Variants in DMGDH observed in about 807,000 individuals in gnomAD.
DMGDH encodes the protein dimethylglycine dehydrogenase, mitochondrial.
Under a neutral mutation model 95.2 loss-of-function variants are expected in DMGDH, and 76 were observed. The ratio of observed to expected loss-of-function variants is 0.80; its 90% CI spans 0.66 to 0.97. The LOEUF (loss-of-function observed/expected upper bound fraction) is 0.97, where lower values mean the gene tolerates loss of function less well. Ranked by LOEUF, DMGDH falls within the 50% of genes least tolerant of loss-of-function variation. The pLI is 0.00. For missense variants in DMGDH, 987 were observed against 1,055.0 expected (o/e 0.94, Z 0.89); for synonymous variants, 345 against 377.6 (o/e 0.91, Z 1.00).
chr5:79,016,435 T>C (rs1251341531), intron 14 of DMGDH, among the ~76,000 whole-genome samples: 1 of 152,206 alleles, frequency 6.6e-6, no homozygotes, highest in Non-Finnish European at 1.5e-5. Flanking sequence ...ATTGTATTTC[T>C]ATAATTTGGC....
Position 79,005,332 on chromosome 5 carries a change from T to C in DMGDH, c.2326A>G (p.Thr776Ala). 6.2e-7 allele frequency: 1 copy of C among 1,613,798 alleles called. No homozygotes were observed. Among genetic ancestry groups the C allele is most frequent in the Non-Finnish European group, 8.5e-7 (1 of 1,179,878 alleles). The change falls in exon 15 of 16, where the codon ACC becomes GCC. Residue 776 changes from threonine (T) to alanine (A), a missense_variant. Physicochemically the swap from Thr to Ala is moderately conservative, Grantham distance 58. Coordinates refer to ENST00000255189, the MANE Select transcript of DMGDH (RefSeq NM_013391.3). ...KGLKRRLVCL[T>A]LATDDVDPEG... ...GGATCAACATCATCCGTTGCCAAGG[T>C]GAGGCAGACCAGTCTTCGTTTCAGC...
intron 8 of DMGDH, 115 bp downstream of exon 8, chr5:79,033,124 T>C (rs1754238137): frequency 7.6e-7 from 1 of 1,318,620 alleles, no homozygotes; most frequent in Non-Finnish European, 1.1e-6. Flanking sequence ...ACAATGCTTT[T>C]TGGAGTCCCT....
At chr5:79,055,685 C>A in intron 3 of DMGDH, 125 bp downstream of exon 3, 1 of 713,280 alleles carries the variant, frequency 1.4e-6, no homozygotes. Context: ...AAACTCTCAT[C>A]ATATTCCTCT....
chr5:79,024,370 A>C (rs1157830424), intron 13 of DMGDH, 40 bp from the exon 14 acceptor site: 2 of 1,551,638 alleles, frequency 1.3e-6, no homozygotes, highest in Admixed American at 3.3e-5. Context: ...AGATGAGTGC[A>C]AGTCATTTTG....
Position 79,031,296 on chromosome 5 carries a change from A to C in DMGDH, c.1518-298T>G, listed in dbSNP as rs77690305. On this transcript the variant is annotated intron_variant, in intron 9 of 15. Coordinates refer to ENST00000255189, the MANE Select transcript of DMGDH (RefSeq NM_013391.3). ...GGCTCTCAGATCTGGAAGAGAGTTTATAAGTCAACCAGTCTGGTGGTTTTC... is the reference window on the plus strand; with the variant it reads ...GGCTCTCAGATCTGGAAGAGAGTTTCTAAGTCAACCAGTCTGGTGGTTTTC... Among the ~76,000 whole-genome samples the C allele has an allele frequency of 4.1e-3, 631 of 152,344 alleles. 3 individuals are homozygous for C. Among genetic ancestry groups the C allele is most frequent in the Non-Finnish European group, 6.7e-3 (456 of 68,036 alleles).
At chr5:79,055,030 G>T (rs1248638168) in intron 3 of DMGDH, among the ~76,000 whole-genome samples, 1 of 152,228 alleles carries the variant, frequency 6.6e-6, no homozygotes, top group African/African-American at 2.4e-5. Flanking sequence ...CTTCTCAAAG[G>T]TGGTGACCCC....
chr5:79,061,039 T>C (rs2112673091), intron 2 of DMGDH, among the ~76,000 whole-genome samples: 1 of 151,940 alleles, frequency 6.6e-6, no homozygotes, highest in African/African-American at 2.4e-5. Context: ...CTGGACAACG[T>C]AGGGAGACCT....
intron 14 of DMGDH, among the ~76,000 whole-genome samples, chr5:79,022,887 C>T (rs16876318): frequency 0.032 from 4,927 of 152,250 alleles, 251 homozygotes; most frequent in African/African-American, 0.11. Context: ...AAGAGTTGGG[C>T]CATTTTTAAC....
intron 14 of DMGDH, among the ~76,000 whole-genome samples, chr5:79,008,158 G>A (rs1753582321): frequency 6.6e-6 from 1 of 152,134 alleles, no homozygotes; most frequent in Non-Finnish European, 1.5e-5. Context: ...TCTAATATGT[G>A]GAGGCAGAAA....
intron 7 of DMGDH, among the ~76,000 whole-genome samples, chr5:79,035,578 C>A (rs1039488607): frequency 1.3e-5 from 2 of 152,166 alleles, no homozygotes; most frequent in African/African-American, 4.8e-5. Context: ...ACACACATAG[C>A]AGATACAGCA....
intron 1 of DMGDH, among the ~76,000 whole-genome samples, chr5:79,067,125 A>G (rs947508145): frequency 1.1e-4 from 16 of 152,336 alleles, no homozygotes; most frequent in African/African-American, 3.6e-4. Flanking sequence ...TTTGGCCAGC[A>G]GGAGGTTCTT....
At chr5:79,025,470 T>G (rs1372131546) in intron 13 of DMGDH, among the ~76,000 whole-genome samples, 1 of 152,176 alleles carries the variant, frequency 6.6e-6, no homozygotes, top group East Asian at 1.9e-4. Context: ...GGTCTCTGCC[T>G]GGGCTTTGAA....
rs767530790 is a variant in DMGDH at position 78,998,115 on chromosome 5, C to T, written c.2568G>A (p.Arg856=). 4 of 1,614,116 alleles carry T rather than the reference C, an allele frequency of 2.5e-6. No individual in the cohort carries two copies. Among genetic ancestry groups the T allele is most frequent in the South Asian group, 1.1e-5 (1 of 91,070 alleles). The change falls in exon 16 of 16, where the codon CGG becomes CGA. Residue 856 remains arginine (R), a synonymous_variant. Coordinates refer to ENST00000255189, the MANE Select transcript of DMGDH (RefSeq NM_013391.3). ...TGTCCTTTCCACCTTTTTTCTGAAG[C>T]CGGTTTCTGGTTGGTTCGGTCAATA... ...PLVLTEPTRN[R]LQKKGGKDKT
intron 2 of DMGDH, among the ~76,000 whole-genome samples, chr5:79,056,564 A>G (rs1580227468): frequency 1.3e-5 from 2 of 150,092 alleles, no homozygotes; most frequent in South Asian, 2.1e-4. Context: ...AAATAAAACT[A>G]TGGGGGAGGC....
At chr5:79,032,924 G>C (rs971494883) in intron 8 of DMGDH, 84 bp from the exon 9 acceptor site, 21 of 1,535,240 alleles carry the variant, frequency 1.4e-5, no homozygotes, top group Non-Finnish European at 1.8e-5. Flanking sequence ...TGGAAATACA[G>C]TACTTAAAAT....
At chr5:79,050,028 G>A (rs11951916) in intron 5 of DMGDH, among the ~76,000 whole-genome samples, 3,666 of 151,618 alleles carry the variant, frequency 0.024, 153 homozygotes, top group African/African-American at 0.085. Context: ...AGGCCGAGGC[G>A]GGTAGATCAC....
At chr5:79,047,233 A>C (rs1316873184) in intron 5 of DMGDH, among the ~76,000 whole-genome samples, 2 of 152,184 alleles carry the variant, frequency 1.3e-5, no homozygotes, top group African/African-American at 4.8e-5. Context: ...GAGAAGAGTC[A>C]ATTAAAAATG....
At chr5:79,002,906 A>G (rs755795575) in intron 15 of DMGDH, among the ~76,000 whole-genome samples, 54 of 152,248 alleles carry the variant, frequency 3.5e-4, no homozygotes, top group Admixed American at 5.2e-4. Flanking sequence ...ATAGAATCCT[A>G]TAATTGGATT....
Position 79,002,965 on chromosome 5 carries a change from T to C in DMGDH, c.2385+2308A>G, listed in dbSNP as rs186032249. ...AGGAATATAGCATGTAAATGCAGTA[T>C]ATGCATAGGGCAAAGGAAAAAACCT... On this transcript the variant is annotated intron_variant, in intron 15 of 15. Transcript: ENST00000255189. Among the ~76,000 whole-genome samples the C allele has an allele frequency of 4.0e-3, 602 of 152,370 alleles. 4 individuals are homozygous for C. Among genetic ancestry groups the C allele is most frequent in the African/African-American group, 0.014 (576 of 41,594 alleles).
Sources: allele counts gnomAD v4.1 joint callset (sites outside exome capture counted in the v4.1 genomes callset), GRCh38; gene constraint gnomAD v4.1.1; transcripts MANE v1.5; gene names NCBI Gene and HGNC (gene_info 2026-07-23, HGNC 2026-07-21).